Variants in ADAMTS20 observed in about 807,000 individuals in gnomAD.
ADAMTS20 encodes the protein A disintegrin and metalloproteinase with thrombospondin motifs 20.
ADAMTS20 carries 225 observed loss-of-function variants against 260.1 expected under a neutral mutation model. The ratio of observed to expected loss-of-function variants is 0.87; its 90% confidence interval spans 0.78 to 0.97. The LOEUF (loss-of-function observed/expected upper bound fraction) is 0.97, where lower values mean the gene tolerates loss of function less well. Among genes scored for constraint, ADAMTS20 ranks in the 50% least tolerant of loss-of-function variants. The pLI is 0.00. For synonymous variants in ADAMTS20, 802 were observed against 769.5 expected (o/e 1.04, Z -0.70); for missense variants, 2,400 against 2,337.7 (o/e 1.03, Z -0.55).
chr12:43,393,207 T>G (rs1940631107), intron 29 of ADAMTS20, among the ~76,000 whole-genome samples: 1 of 152,082 alleles, frequency 6.6e-6, no homozygotes. Flanking sequence ...TTATAACTCC[T>G]TAATATGTAT....
At chr12:43,501,523 G>C (rs1280522875) in intron 4 of ADAMTS20, among the ~76,000 whole-genome samples, 1 of 112,572 alleles carries the variant, frequency 8.9e-6, no homozygotes, top group Non-Finnish European at 2.0e-5. Flanking sequence ...GAAGCGTGAT[G>C]CCACTTACAC....
At chr12:43,501,224 A>C (rs1036235044) in intron 4 of ADAMTS20, among the ~76,000 whole-genome samples, 1 of 151,518 alleles carries the variant, frequency 6.6e-6, no homozygotes, top group Admixed American at 6.6e-5. Context: ...ACGCCTGGCT[A>C]ATTTTTTGTA....
At position 43,466,733 on chromosome 12, in the gene ADAMTS20, A is replaced by G; in HGVS notation, c.1286T>C (p.Val429Ala). 6.2e-7 allele frequency: 1 copy of G among 1,610,930 alleles called. No individual in the cohort carries two copies. Among genetic ancestry groups the G allele is most frequent in the Non-Finnish European group, 8.5e-7 (1 of 1,177,658 alleles). ...GTGAAAACTTAAAGCAGGGGCCATTACATGATACTTTGTAACTTTCATTTC... is the reference window on the plus strand; with the variant it reads ...GTGAAAACTTAAAGCAGGGGCCATTGCATGATACTTTGTAACTTTCATTTC... ...CKEMKVTKYH[V>A]MAPALSFHMS... The change falls in exon 9 of 39, where the codon GTA (valine) becomes GCA (alanine). Residue 429 changes from valine (V) to alanine (A), a missense_variant. Val to Ala is a moderately conservative substitution (Grantham distance 64). Transcript: ENST00000389420.
chr12:43,534,663 A>C (rs1207343942), intron 2 of ADAMTS20, among the ~76,000 whole-genome samples: 1 of 152,166 alleles, frequency 6.6e-6, no homozygotes, highest in African/African-American at 2.4e-5. Context: ...AAAAAGAGAA[A>C]ACATTCTGTG....
chr12:43,365,921 T>C lies in ADAMTS20; in HGVS notation c.5538+3369A>G, dbSNP rs538144418. ...AATGAAAAAACTGAGGAAATTAAAA[T>C]GTTACACCAGAAAACATTCACTGAA... On this transcript the variant is annotated intron_variant, in intron 37 of 38. Transcript: ENST00000389420. 4.0e-5 allele frequency among the ~76,000 whole-genome samples: 6 copies of C among 151,874 alleles called. No individual in the cohort carries two copies. The South Asian group carries it at 8.3e-4, about 21-fold the overall frequency.
intron 2 of ADAMTS20, among the ~76,000 whole-genome samples, chr12:43,545,116 T>G (rs1943425819): frequency 1.3e-5 from 2 of 152,202 alleles, no homozygotes; most frequent in Admixed American, 1.3e-4. Flanking sequence ...GTACCCACTC[T>G]TCTCCTTCCC....
chr12:43,471,253 C>G (rs1018344928), intron 7 of ADAMTS20, among the ~76,000 whole-genome samples: 2 of 152,146 alleles, frequency 1.3e-5, no homozygotes, highest in Non-Finnish European at 2.9e-5. Context: ...GGGTCGCTCC[C>G]ACCCGAATAT....
In ADAMTS20 at chr12:43,377,435, G is replaced by T. The variant is rs1326327348; in HGVS notation, c.4925C>A (p.Ser1642Tyr). 3.7e-6 allele frequency: 6 copies of T among 1,613,556 alleles called. No homozygotes were observed. The highest frequency in any genetic ancestry group is 5.1e-6 in the Non-Finnish European group (6 of 1,179,706). Residue 1642 changes from serine to tyrosine, a missense_variant, in exon 32 of 39, where the codon TCC becomes TAC. By Grantham distance (144) the Ser-to-Tyr change is moderately radical. Coordinates refer to ENST00000389420, the MANE Select transcript of ADAMTS20 (RefSeq NM_025003.5). ...GTTAATGCATTGGTAAACCTGAGAG[G>T]AAGGCACCACAGGGCATTCTTGATA... ...IVYQECPVVP[S>Y]SQVYQCINSC...
At chr12:43,477,962 A>AC (rs530119462) in intron 7 of ADAMTS20, among the ~76,000 whole-genome samples, 7 of 152,270 alleles carry the variant, frequency 4.6e-5, no homozygotes, top group Middle Eastern at 3.4e-3. Context: ...CAATTTTTCA[A>AC]CCCCATGGCT....
At chr12:43,526,116 C>T (rs896873148) in intron 3 of ADAMTS20, among the ~76,000 whole-genome samples, 1 of 152,146 alleles carries the variant, frequency 6.6e-6, no homozygotes, top group Admixed American at 6.5e-5. Context: ...CTAAGATAGA[C>T]CATATGGTAG....
Position 43,551,688 on chromosome 12 carries a change from G to C in ADAMTS20, c.91+143C>G. On this transcript the variant is annotated intron_variant, in intron 1 of 38. Coordinates refer to ENST00000389420, the MANE Select transcript of ADAMTS20 (RefSeq NM_025003.5). The surrounding 1 kb of genome is among the most constrained non-coding windows in gnomAD (Gnocchi z 4.6). ...AACCCGGCGCAGTCGCGACCTCTCC[G>C]GCTGACTGGTCCGGGAGTCCCGGGA... 2.3e-6 allele frequency: 2 copies of C among 864,620 alleles called. No individual in the cohort carries two copies. Among genetic ancestry groups the C allele is most frequent in the Non-Finnish European group, 3.6e-6 (2 of 552,232 alleles). The allele number at this position is 864,620 out of a possible 1,614,324, so 53.6% of individuals were successfully genotyped here. A position where few individuals can be genotyped will look rare whatever the true frequency, so the allele number is the denominator to read the frequency against.
At chr12:43,445,160 C>T (rs1941737385) in intron 15 of ADAMTS20, among the ~76,000 whole-genome samples, 1 of 152,058 alleles carries the variant, frequency 6.6e-6, no homozygotes, top group Non-Finnish European at 1.5e-5. Flanking sequence ...GTGACAAATG[C>T]TAATCAGACC....
At chr12:43,468,806 A>G in intron 7 of ADAMTS20, 101 bp from the exon 8 acceptor site, 1 of 651,668 alleles carries the variant, frequency 1.5e-6, no homozygotes, top group Non-Finnish European at 2.6e-6. Flanking sequence ...TATTACTTAG[A>G]AAAGAATGCA....
intron 2 of ADAMTS20, among the ~76,000 whole-genome samples, chr12:43,546,834 A>C (rs9634257): frequency 0.43 from 65,233 of 152,000 alleles, 14,301 homozygotes; most frequent in East Asian, 0.56. Context: ...TCTATTCAGA[A>C]ATGTTTGAAT....
chr12:43,539,052 A>C (rs1943337587), intron 2 of ADAMTS20, among the ~76,000 whole-genome samples: 1 of 150,300 alleles, frequency 6.7e-6, no homozygotes, highest in Admixed American at 6.7e-5. Context: ...ACCCGGGTTC[A>C]AGCAATTCTC....
At chr12:43,521,791 C>T (rs1392744783) in intron 3 of ADAMTS20, among the ~76,000 whole-genome samples, 1 of 152,010 alleles carries the variant, frequency 6.6e-6, no homozygotes, top group South Asian at 2.1e-4. Flanking sequence ...CCTTGCCTGC[C>T]TCCCCAGACT....
chr12:43,412,986 A>AT (rs1186117799), intron 28 of ADAMTS20, among the ~76,000 whole-genome samples: 2 of 151,226 alleles, frequency 1.3e-5, no homozygotes, highest in Non-Finnish European at 1.5e-5. Context: ...AACTTTTTGT[A>AT]TTTTAGTAGA....
intron 2 of ADAMTS20, among the ~76,000 whole-genome samples, chr12:43,536,016 G>A (rs558716264): frequency 8.5e-5 from 13 of 152,116 alleles, no homozygotes; most frequent in African/African-American, 3.1e-4. Context: ...AGTCATCCAA[G>A]GGAGGCATTT....
At position 43,443,876 on chromosome 12, in the gene ADAMTS20, A is replaced by G. The variant is rs376440865; in HGVS notation, c.2205T>C (p.Asn735=). The G allele has an allele frequency of 2.0e-5, 32 of 1,612,638 alleles. 1 individual carries two copies. The highest frequency in any genetic ancestry group is 1.9e-4 in the South Asian group (17 of 90,982). Residue 735 remains asparagine, a synonymous_variant, in exon 16 of 39, where the codon AAT becomes AAC. Coordinates refer to ENST00000389420, the MANE Select transcript of ADAMTS20 (RefSeq NM_025003.5). ...GVFNSSHYGY[N]VVVKIPAGAT... is the part of the protein sequence containing the mutation. ...CTCCTGCGGGAATCTTTACAACAAC[A>G]TTATAACCTGCAATATAATTTTACA... is the stretch of plus-strand genomic sequence containing the variant.
Sources: allele counts gnomAD v4.1 joint callset (sites outside exome capture counted in the v4.1 genomes callset), GRCh38; gene constraint gnomAD v4.1.1; non-coding constraint Gnocchi (gnomAD v3.1); transcripts MANE v1.5; gene names NCBI Gene and HGNC (gene_info 2026-07-23, HGNC 2026-07-21).